NECTIN3: variants seen among roughly 807,000 people sequenced by gnomAD.
The protein encoded by NECTIN3 is nectin-3.
In NECTIN3, 8 loss-of-function variants were observed where a neutral mutation model predicts 49.4. That is an observed-to-expected ratio of 0.16 (90% CI 0.10 to 0.29). The LOEUF (loss-of-function observed/expected upper bound fraction) is 0.29. NECTIN3 is among the 10% of genes least tolerant of loss of function. The pLI, the probability that NECTIN3 is intolerant of heterozygous loss-of-function variation, is 1.00. For missense variants in NECTIN3, 581 were observed against 654.6 expected, an observed-to-expected ratio of 0.89 and a Z score of 1.23; for synonymous variants, 277 against 241.1, an observed-to-expected ratio of 1.15 and a Z score of -1.38.
intron 1 of NECTIN3, among the ~76,000 whole-genome samples, chr3:111,088,935 TGTA>T (rs1426010252): frequency 2.6e-5 from 4 of 152,124 alleles, no homozygotes; most frequent in African/African-American, 4.8e-5. Flanking sequence ...CATCTGGGCA[TGTA>T]GTTTTCTTTT....
chr3:111,081,335 G>A (rs2031593556), intron 1 of NECTIN3, among the ~76,000 whole-genome samples: 1 of 152,156 alleles, frequency 6.6e-6, no homozygotes, highest in South Asian at 2.1e-4. Flanking sequence ...ACCCTACAAA[G>A]CATCTGTTAT....
At chr3:111,189,947 G>A (rs1039566377), upstream of NECTIN3, among the ~76,000 whole-genome samples, 1 of 152,158 alleles carries the variant, frequency 6.6e-6, no homozygotes, top group East Asian at 1.9e-4. Flanking sequence ...GGACAGGGAG[G>A]GGGAGGCCAG....
chr3:111,118,266 ATATATATATATATATATT>A (rs1299166920), intron 2 of NECTIN3, among the ~76,000 whole-genome samples: 2 of 138,648 alleles, frequency 1.4e-5, no homozygotes, highest in African/African-American at 2.6e-5. Context: ...ATATATATAT[ATATATATATATATATATT>A]ATACATATAT....
chr3:111,099,694 A>G (rs922118387), intron 1 of NECTIN3, among the ~76,000 whole-genome samples: 9 of 152,258 alleles, frequency 5.9e-5, no homozygotes, highest in South Asian at 2.1e-4. Flanking sequence ...CAGCCTCGCA[A>G]AGTCTAACTA....
chr3:111,112,278 A>G lies in NECTIN3; in HGVS notation c.409A>G (p.Asn137Asp). The G allele has an allele frequency of 1.9e-6, 3 of 1,613,800 alleles. No individual in the cohort carries two copies. The highest frequency in any genetic ancestry group is 2.5e-6 in the Non-Finnish European group (3 of 1,179,820). ...TAATGATGCAACAATTACTCTGCAT[A>G]ACATAGGATTCTCTGATTCTGGAAA... ...SLNDATITLH[N>D]IGFSDSGKYI... The change falls in exon 2 of 6, where the codon AAC (asparagine) becomes GAC (aspartate). Residue 137 changes from asparagine to aspartate, a missense_variant. Asn to Asp is a conservative substitution (Grantham distance 23). Coordinates refer to ENST00000485303, the MANE Select transcript of NECTIN3 (RefSeq NM_015480.3).
intron 1 of NECTIN3, among the ~76,000 whole-genome samples, chr3:111,107,117 C>T (rs2033215580): frequency 1.3e-5 from 2 of 151,892 alleles, no homozygotes; most frequent in African/African-American, 4.8e-5. Context: ...ATGGATCTCC[C>T]TTCATTTTTT....
At chr3:111,129,982 G>A (rs541466685) in intron 5 of NECTIN3, among the ~76,000 whole-genome samples, 2 of 144,930 alleles carry the variant, frequency 1.4e-5, no homozygotes, top group East Asian at 4.1e-4. Flanking sequence ...TTGAGACAGA[G>A]TCTTGCTCTG....
At chr3:111,091,896 A>AAAACAGT in intron 1 of NECTIN3, among the ~76,000 whole-genome samples, 3 of 152,336 alleles carry the variant, frequency 2.0e-5, no homozygotes, top group Admixed American at 2.0e-4. Context: ...CAAAGGGGCT[A>AAAACAGT]TACCATTTTA....
chr3:111,080,777 G>A (rs991009065), intron 1 of NECTIN3, among the ~76,000 whole-genome samples: 12 of 151,980 alleles, frequency 7.9e-5, no homozygotes, highest in Non-Finnish European at 1.0e-4. Flanking sequence ...TACCACGGTG[G>A]AATGAGGCAT....
At position 111,152,177 on chromosome 3, in the gene NECTIN3, A is replaced by G. The variant is rs576587486; in HGVS notation, c.1221+4693A>G. On this transcript the variant is annotated intron_variant, in intron 7 of 8. Coordinates refer to the NECTIN3 transcript ENST00000493615. ...AATGTCAAAAGATTTTAATAAACCAATAATGCTGTAATGAATTGCCTGGTA... is the reference window on the plus strand; with the variant it reads ...AATGTCAAAAGATTTTAATAAACCAGTAATGCTGTAATGAATTGCCTGGTA... Among the ~76,000 whole-genome samples, 3 of 152,018 alleles carry G rather than the reference A, an allele frequency of 2.0e-5. No homozygotes were observed. The South Asian group carries it at 6.2e-4, about 32-fold the overall frequency.
At chr3:111,117,499 G>A (rs776930164) in intron 2 of NECTIN3, among the ~76,000 whole-genome samples, 6 of 152,038 alleles carry the variant, frequency 3.9e-5, no homozygotes, top group Middle Eastern at 3.2e-3. Context: ...TGTTCATTGC[G>A]TGTGTTGCAT....
intron 5 of NECTIN3, among the ~76,000 whole-genome samples, chr3:111,132,391 A>G (rs1339507389): frequency 6.6e-6 from 1 of 151,890 alleles, no homozygotes; most frequent in East Asian, 1.9e-4. Flanking sequence ...AGCTTGTAAT[A>G]TTAGAATAAC....
chr3:111,165,388 C>T (rs1361786267), intron 7 of NECTIN3, among the ~76,000 whole-genome samples: 1 of 152,044 alleles, frequency 6.6e-6, no homozygotes, highest in Non-Finnish European at 1.5e-5. Flanking sequence ...ATTATGGTAC[C>T]TGAACTGATG....
intron 7 of NECTIN3, among the ~76,000 whole-genome samples, chr3:111,148,960 T>A (rs962160104): frequency 2.0e-5 from 3 of 152,112 alleles, no homozygotes; most frequent in Non-Finnish European, 4.4e-5. Context: ...TGAACTAGAA[T>A]GTAGAAAAAA....
intron 1 of NECTIN3, among the ~76,000 whole-genome samples, chr3:111,108,955 A>G (rs762359164): frequency 2.6e-5 from 4 of 152,200 alleles, no homozygotes; most frequent in South Asian, 2.1e-4. Context: ...GCAGGCTGCT[A>G]TAACAAAATA....
At chr3:111,160,265 C>T (rs1160818335) in intron 7 of NECTIN3, among the ~76,000 whole-genome samples, 1 of 152,058 alleles carries the variant, frequency 6.6e-6, no homozygotes, top group Non-Finnish European at 1.5e-5. Flanking sequence ...TCTTAAAATC[C>T]CTGTCAATTC....
chr3:111,113,826 A>G (rs2033575303), intron 2 of NECTIN3, among the ~76,000 whole-genome samples: 1 of 152,142 alleles, frequency 6.6e-6, no homozygotes, highest in South Asian at 2.1e-4. Context: ...TCTACTAAAA[A>G]TACAAAAATT....
chr3:111,125,070 C>T (rs557817045), intron 4 of NECTIN3, among the ~76,000 whole-genome samples: 6 of 142,258 alleles, frequency 4.2e-5, no homozygotes, highest in African/African-American at 1.1e-4. Context: ...ACCCTGTCAC[C>T]CAGGCTAGAG....
chr3:111,076,874 C>T (rs1216851672), intron 1 of NECTIN3, among the ~76,000 whole-genome samples: 3 of 151,456 alleles, frequency 2.0e-5, no homozygotes, highest in Admixed American at 6.6e-5. Context: ...GCTTGGAAGG[C>T]TGAGGCAGGC....
Sources: gnomAD v4.1 joint callset for allele counts (sites outside exome capture counted in the v4.1 genomes callset) on GRCh38, gnomAD v4.1.1 for gene constraint, MANE v1.5 for transcripts, NCBI Gene and HGNC (gene_info 2026-07-23, HGNC 2026-07-21) for gene names.